NKAIN3: variants seen among roughly 807,000 people sequenced by gnomAD.
NKAIN3 encodes sodium/potassium transporting ATPase interacting 3.
A neutral mutation model predicts 30.2 loss-of-function variants in NKAIN3; 25 were observed. The ratio of observed to expected loss-of-function variants is 0.83; its 90% CI spans 0.60 to 1.16. NKAIN3 has a LOEUF of 1.16. Ranked by LOEUF, NKAIN3 falls within the 50% of genes most tolerant of loss-of-function variation. The pLI, the probability that NKAIN3 is intolerant of heterozygous loss-of-function variation, is 0.00. For synonymous variants in NKAIN3, 91 were observed against 89.6 expected (o/e 1.02, Z -0.09); for missense variants, 225 against 254.1 (o/e 0.89, Z 0.78).
At chr8:62,277,814 A>G (rs1563916190) in intron 1 of NKAIN3, among the ~76,000 whole-genome samples, 2 of 152,056 alleles carry the variant, frequency 1.3e-5, no homozygotes. Context: ...TTTTGAATAT[A>G]CTCTTTTGAG....
chr8:62,369,477 C>G (rs911461110), intron 1 of NKAIN3, among the ~76,000 whole-genome samples: 1 of 152,016 alleles, frequency 6.6e-6, no homozygotes, highest in Non-Finnish European at 1.5e-5. Context: ...TGTTTCTGAA[C>G]ATTTCCAAGA....
chr8:62,676,439 G>T (rs1160871907), intron 3 of NKAIN3, among the ~76,000 whole-genome samples: 2 of 152,148 alleles, frequency 1.3e-5, no homozygotes, highest in Non-Finnish European at 2.9e-5. Flanking sequence ...TATGGTGGTG[G>T]GTGCCTGTAG....
At chr8:62,922,733 C>T (rs911760835) in intron 5 of NKAIN3, among the ~76,000 whole-genome samples, 4 of 150,922 alleles carry the variant, frequency 2.7e-5, no homozygotes, top group African/African-American at 9.9e-5. Context: ...TACTGATTCT[C>T]ACAGTGCATA....
At chr8:62,351,818 G>A (rs1021520825) in intron 1 of NKAIN3, among the ~76,000 whole-genome samples, 2 of 152,132 alleles carry the variant, frequency 1.3e-5, no homozygotes, top group African/African-American at 2.4e-5. Context: ...TCAGTTTTCT[G>A]GAATTTATGA....
At chr8:62,797,901 T>C (rs1173675856) in intron 4 of NKAIN3, among the ~76,000 whole-genome samples, 1 of 152,146 alleles carries the variant, frequency 6.6e-6, no homozygotes, top group Non-Finnish European at 1.5e-5. Flanking sequence ...GAGAATGCCA[T>C]GTGAAGAATG....
At chr8:62,915,004 G>T (rs1822047618) in intron 4 of NKAIN3, among the ~76,000 whole-genome samples, 1 of 151,930 alleles carries the variant, frequency 6.6e-6, no homozygotes, top group African/African-American at 2.4e-5. Context: ...GTCTCCATGT[G>T]TTCCCATTGT....
intron 1 of NKAIN3, among the ~76,000 whole-genome samples, chr8:62,429,406 C>T (rs905993398): frequency 2.6e-5 from 4 of 151,832 alleles, no homozygotes; most frequent in Non-Finnish European, 5.9e-5. Flanking sequence ...TGATTTATTA[C>T]AGTTCTTATT....
At chr8:62,830,938 C>A (rs989272362) in intron 4 of NKAIN3, among the ~76,000 whole-genome samples, 5 of 152,178 alleles carry the variant, frequency 3.3e-5, no homozygotes, top group African/African-American at 1.2e-4. Context: ...CCATCTTGGA[C>A]CCTCCCCACA....
In NKAIN3 at chr8:62,248,951, C is replaced by T. The variant is rs1304846416; in HGVS notation, c.-123C>T. The stretch of plus-strand genomic sequence containing the variant: ...GAGCCCCGAGCCCTGGAGCCGCGAG[C>T]GGCGGCCGCGGGGCCGAGGAGCCTG... On this transcript the variant is annotated 5_prime_UTR_variant, in exon 1 of 7. Transcript: ENST00000623646. 2 of 846,300 alleles carry T rather than the reference C, an allele frequency of 2.4e-6. No homozygotes were observed. Among genetic ancestry groups the T allele is most frequent in the East Asian group, 3.1e-5 (1 of 31,796 alleles). The allele number at this position is 846,300 out of a possible 1,614,324, so 52.4% of individuals were successfully genotyped here.
At chr8:62,833,109 T>A (rs1411304027) in intron 4 of NKAIN3, among the ~76,000 whole-genome samples, 1 of 151,922 alleles carries the variant, frequency 6.6e-6, no homozygotes. Flanking sequence ...AATAATAAAA[T>A]TAAGGCAGAA....
intron 4 of NKAIN3, among the ~76,000 whole-genome samples, chr8:62,807,164 T>A (rs1038167): frequency 0.028 from 4,205 of 152,348 alleles, 206 homozygotes; most frequent in African/African-American, 0.096. Flanking sequence ...TTTGTTATAA[T>A]GTATTTCAAG....
At position 62,845,285 on chromosome 8, in the gene NKAIN3, T is replaced by TTATATATATATATATATATATA. The variant is rs10525699; in HGVS notation, c.472-73161_472-73140dup. Among the ~76,000 whole-genome samples, 570 of 68,640 alleles carry TTATATATATATATATATATATA rather than the reference T, an allele frequency of 8.3e-3. 37 individuals carry two copies. Among genetic ancestry groups the TTATATATATATATATATATATA allele is most frequent in the African/African-American group, 0.013 (266 of 20,410 alleles). The allele number at this position is 68,640 out of a possible 152,430, so 45.0% of individuals were successfully genotyped here. On this transcript the variant is annotated intron_variant, in intron 4 of 6. Transcript: ENST00000623646. The stretch of plus-strand genomic sequence containing the variant: ...ATTCATTGACCTGCTGGATAGTAGA[T>TTATATATATATATATATATATA]TATATATATATATATATATATATAT...
intron 4 of NKAIN3, among the ~76,000 whole-genome samples, chr8:62,800,422 T>C (rs1818017411): frequency 6.6e-6 from 1 of 152,134 alleles, no homozygotes; most frequent in African/African-American, 2.4e-5. Flanking sequence ...CTGCCACTTA[T>C]CTGCTGTGAT....
chr8:62,798,535 G>A (rs1255639480), intron 4 of NKAIN3, among the ~76,000 whole-genome samples: 2 of 151,714 alleles, frequency 1.3e-5, no homozygotes, highest in Non-Finnish European at 2.9e-5. Context: ...TTGCACCACT[G>A]CACTCCAGCC....
chr8:62,489,889 T>A (rs942586341), intron 1 of NKAIN3, among the ~76,000 whole-genome samples: 2 of 152,224 alleles, frequency 1.3e-5, no homozygotes, highest in African/African-American at 4.8e-5. Context: ...AAGGTCTGGC[T>A]TCCAGTTCAA....
chr8:62,663,464 G>A (rs1813004809), intron 3 of NKAIN3, among the ~76,000 whole-genome samples: 1 of 152,208 alleles, frequency 6.6e-6, no homozygotes, highest in Non-Finnish European at 1.5e-5. Context: ...GGATGCGATA[G>A]TTTAATAAGC....
chr8:62,872,488 A>G (rs763143577), intron 4 of NKAIN3, among the ~76,000 whole-genome samples: 2 of 152,254 alleles, frequency 1.3e-5, no homozygotes, highest in Non-Finnish European at 2.9e-5. Context: ...AGCACAGCTG[A>G]AAGTGCAAAT....
chr8:62,762,065 C>A (rs1441162892), intron 4 of NKAIN3, among the ~76,000 whole-genome samples: 1 of 152,172 alleles, frequency 6.6e-6, no homozygotes, highest in East Asian at 1.9e-4. Context: ...CCTGTAATCC[C>A]AGCACTTTGG....
intron 5 of NKAIN3, among the ~76,000 whole-genome samples, chr8:62,942,010 A>G (rs1822969618): frequency 6.6e-6 from 1 of 151,950 alleles, no homozygotes; most frequent in African/African-American, 2.4e-5. Context: ...ATACCTAGAA[A>G]AGCCTACAGA....
Sources: gnomAD v4.1 joint callset for allele counts (sites outside exome capture counted in the v4.1 genomes callset) on GRCh38, gnomAD v4.1.1 for gene constraint, MANE v1.5 for transcripts, NCBI Gene and HGNC (gene_info 2026-07-23, HGNC 2026-07-21) for gene names.